Variants in CNGA2 observed in about 807,000 individuals in gnomAD.
CNGA2 encodes the protein cyclic nucleotide gated channel subunit alpha 2, also known as cyclic nucleotide-gated channel alpha-2.
Under a neutral mutation model 35.9 loss-of-function variants are expected in CNGA2, and 22 were observed. The observed-to-expected ratio is 0.61, with a 90% CI of 0.44 to 0.88. CNGA2 has a LOEUF of 0.88. CNGA2 is among the 40% of genes least tolerant of loss of function. The probability of loss-of-function intolerance (pLI) is 0.00; values close to 1 mark genes in which losing one functional copy is unlikely to be tolerated. For synonymous variants in CNGA2, 217 were observed against 209.2 expected (o/e 1.04, Z -0.32); for missense variants, 555 against 530.8 (o/e 1.05, Z -0.45).
At position 151,739,750 on chromosome X, in the gene CNGA2, A is replaced by G; in HGVS notation, c.374+18A>G. On this transcript the variant is annotated intron_variant, in intron 4 of 6. Coordinates refer to ENST00000329903, the MANE Select transcript of CNGA2 (RefSeq NM_005140.3). The stretch of plus-strand genomic sequence containing the variant: ...GGCACCAAGTACAGCTGTTCAGCCT[A>G]TGGGACTCAAATGGGCTTTAAGCAT... 2.5e-6 allele frequency: 3 copies of G among 1,205,985 alleles called. No individual in the cohort carries two copies. Among genetic ancestry groups the G allele is most frequent in the Non-Finnish European group, 3.4e-6 (3 of 891,716 alleles).
rs752041390 is a variant in CNGA2, at chrX:151,739,654, G to T, written c.296G>T (p.Arg99Leu). The change falls in exon 4 of 7, where the codon CGT (arginine) becomes CTT (leucine). Residue 99 changes from arginine (R) to leucine (L), a missense_variant. Transcript: ENST00000329903. ...CCTGACTCATTCCTCGAGCGTTTTCGTGGGCCTGAACTCCAGACTGTGACC... is the reference window on the plus strand; with the variant it reads ...CCTGACTCATTCCTCGAGCGTTTTCTTGGGCCTGAACTCCAGACTGTGACC... ...PRPDSFLERF[R>L]GPELQTVTTQ... is the part of the protein sequence containing the mutation. 8.3e-6 allele frequency: 10 copies of T among 1,211,700 alleles called. No individual in the cohort carries two copies. The highest frequency in any genetic ancestry group is 4.6e-4 in the Middle Eastern group (2 of 4,355).
At chrX:151,737,479 C>A (rs769610584) in intron 1 of CNGA2, among the ~76,000 whole-genome samples, 67 of 111,964 alleles carry the variant, frequency 6.0e-4, no homozygotes, top group African/African-American at 2.0e-3. Context: ...CCCACTCTCT[C>A]CATTGCTCCC....
At chrX:151,738,344 T>C (rs2015268206) in intron 1 of CNGA2, 114 bp from the exon 2 acceptor site, 1 of 504,082 alleles carries the variant, frequency 2.0e-6, no homozygotes, top group African/African-American at 2.4e-5. Context: ...CTGAGGGTGC[T>C]GAGGTTGGCC....
intron 4 of CNGA2, 130 bp downstream of exon 4, chrX:151,739,862 T>A (rs1199509201): frequency 9.8e-6 from 7 of 715,306 alleles, no homozygotes; most frequent in Non-Finnish European, 1.4e-5. Context: ...TGGGCAAGGG[T>A]GATTTGCAAT....
chrX:151,742,957 T>TATATACATAC, intron 6 of CNGA2, 136 bp from the exon 7 acceptor site: 1 of 76,729 alleles, frequency 1.3e-5, no homozygotes, highest in African/African-American at 6.8e-5. Flanking sequence ...TGTATATATA[T>TATATACATAC]ATGTATATAT....
rs373098882 is a variant in CNGA2, at chrX:151,735,763, C to T, written c.-27+820C>T. ...AGAGAACCTTTGTCAGCCCCCTATC[C>T]TCCTCCAGTTCCCACTCTATCTTTC... On this transcript the variant is annotated intron_variant, in intron 1 of 6. Coordinates refer to ENST00000329903, the MANE Select transcript of CNGA2 (RefSeq NM_005140.3). 2.6e-4 allele frequency among the ~76,000 whole-genome samples: 29 copies of T among 111,612 alleles called. 1 individual carries two copies. The highest frequency in any genetic ancestry group is 8.5e-4 in the East Asian group (3 of 3,530).
chrX:151,743,333 A>G lies in CNGA2; in HGVS notation c.830A>G (p.Asn277Ser). ...TNYPNIFRIS[N>S]LVLYILVIIH... ...TACCCTAACATCTTCCGCATCAGCA[A>G]CCTTGTCCTCTACATCTTGGTCATC... The change falls in exon 7 of 7, where the codon AAC (asparagine) becomes AGC (serine). Residue 277 changes from asparagine to serine, a missense_variant. Physicochemically the swap from Asn to Ser is conservative, Grantham distance 46. Coordinates refer to ENST00000329903, the MANE Select transcript of CNGA2 (RefSeq NM_005140.3). 8.3e-7 allele frequency: 1 copy of G among 1,209,186 alleles called. No individual in the cohort carries two copies. The highest frequency in any genetic ancestry group is 1.1e-6 in the Non-Finnish European group (1 of 895,050).
chrX:151,736,850 G>A (rs1422803476), intron 1 of CNGA2, among the ~76,000 whole-genome samples: 1 of 111,717 alleles, frequency 9.0e-6, no homozygotes, highest in African/African-American at 3.3e-5. Context: ...TGATCTGCCA[G>A]CTTCATCTTC....
chrX:151,743,898 G>A lies in CNGA2; in HGVS notation c.1395G>A (p.Glu465=). The A allele has an allele frequency of 1.7e-6, 2 of 1,211,471 alleles. No homozygotes were observed. The highest frequency in any genetic ancestry group is 4.4e-5 in the Admixed American group (2 of 45,968). The change falls in exon 7 of 7, where the codon GAG becomes GAA. Residue 465 remains glutamate, a synonymous_variant. Coordinates refer to ENST00000329903, the MANE Select transcript of CNGA2 (RefSeq NM_005140.3). The part of the protein sequence containing the change: ...FHDCEAGLLV[E]LVLKLRPQVF... The stretch of plus-strand genomic sequence containing the variant: ...ATTGTGAGGCTGGCCTGCTGGTAGA[G>A]CTGGTACTGAAACTCCGTCCTCAGG...
chrX:151,742,515 C>G (rs779066065), intron 5 of CNGA2, 21 bp from the exon 6 acceptor site: 3 of 1,176,565 alleles, frequency 2.5e-6, no homozygotes, highest in Non-Finnish European at 2.3e-6. Flanking sequence ...GGGGGTGAAG[C>G]TTAGCCCTGT....
At position 151,744,235 on chromosome X, in the gene CNGA2, C is replaced by T; in HGVS notation, c.1732C>T (p.Leu578Phe). The change falls in exon 7 of 7, where the codon CTC becomes TTC. Residue 578 changes from leucine (L) to phenylalanine (F), a missense_variant. By Grantham distance (22) the Leu-to-Phe change is conservative (BLOSUM62 0). Transcript: ENST00000329903. Reference sequence around the variant, plus strand: ...CCTAGAAGAGAGGGGTCGGGAGATCCTCATGAAGGAGGGACTGCTGGATGA... The same window carrying T: ...CCTAGAAGAGAGGGGTCGGGAGATCTTCATGAAGGAGGGACTGCTGGATGA... The part of the protein sequence containing the change: ...KVLEERGREI[L>F]MKEGLLDENE... The T allele has an allele frequency of 8.3e-7, 1 of 1,210,638 alleles. No homozygotes were observed. The highest frequency in any genetic ancestry group is 1.1e-6 in the Non-Finnish European group (1 of 895,311).
chrX:151,744,163 G>T lies in CNGA2; in HGVS notation c.1660G>T (p.Asp554Tyr). The change falls in exon 7 of 7, where the codon GAT becomes TAT. Residue 554 changes from aspartate to tyrosine, a missense_variant. Coordinates refer to ENST00000329903, the MANE Select transcript of CNGA2 (RefSeq NM_005140.3). ...GYSDLFCLSK[D>Y]DLMEAVTEYP... ...CTCAGATCTCTTCTGCTTGTCCAAG[G>T]ATGATCTTATGGAAGCTGTGACTGA... The T allele has an allele frequency of 1.7e-6, 2 of 1,210,731 alleles. No individual in the cohort carries two copies.
intron 1 of CNGA2, among the ~76,000 whole-genome samples, chrX:151,737,696 C>A (rs1156925548): frequency 9.0e-6 from 1 of 111,727 alleles, no homozygotes. Flanking sequence ...CTGCTCTGCG[C>A]AGAGGAGAGG....
At chrX:151,738,732 G>A in intron 2 of CNGA2, 55 bp from the exon 3 acceptor site, 1 of 1,105,180 alleles carries the variant, frequency 9.0e-7, no homozygotes, top group Middle Eastern at 2.4e-4. Context: ...GACCCAGGAG[G>A]GGAGACAAGT....
At chrX:151,740,561 T>C (rs762870398) in intron 4 of CNGA2, among the ~76,000 whole-genome samples, 1 of 112,463 alleles carries the variant, frequency 8.9e-6, no homozygotes, top group South Asian at 3.8e-4. Flanking sequence ...AATGGACCTA[T>C]CTAGGTTCAG....
intron 1 of CNGA2, among the ~76,000 whole-genome samples, chrX:151,738,256 T>C (rs1427531301): frequency 4.5e-5 from 5 of 111,182 alleles, no homozygotes; most frequent in Non-Finnish European, 9.4e-5. Flanking sequence ...GTTGGGGGAG[T>C]ACCCTCATTT....
intron 1 of CNGA2, among the ~76,000 whole-genome samples, chrX:151,737,997 G>A (rs1388411186): frequency 1.9e-5 from 2 of 105,490 alleles, no homozygotes; most frequent in African/African-American, 6.9e-5. Flanking sequence ...GCTACTCTGG[G>A]TCAGGGAGAT....
intron 5 of CNGA2, among the ~76,000 whole-genome samples, chrX:151,742,108 G>A (rs1253452136): frequency 4.4e-5 from 5 of 112,629 alleles, no homozygotes; most frequent in Admixed American, 9.4e-5. Context: ...ATTGGGTGCT[G>A]AATAAGATGT....
At position 151,742,562 on chromosome X, in the gene CNGA2, G is replaced by A. The variant is rs1316659525; in HGVS notation, c.509G>A (p.Gly170Asp). 8.3e-7 allele frequency: 1 copy of A among 1,207,506 alleles called. No homozygotes were observed. Among genetic ancestry groups the A allele is most frequent in the Non-Finnish European group, 1.1e-6 (1 of 894,110 alleles). Residue 170 changes from glycine to aspartate, a missense_variant, in exon 6 of 7, where the codon GGC becomes GAC. By Grantham distance (94) the Gly-to-Asp change is moderately conservative (BLOSUM62 -1). Coordinates refer to ENST00000329903, the MANE Select transcript of CNGA2 (RefSeq NM_005140.3). ...ARACFSDLQK[G>D]YYLVWLVLDY... ...GCCTGCTTCAGTGACCTACAGAAAG[G>A]CTACTACCTGGTGTGGCTGGTGCTG...
Sources: allele counts gnomAD v4.1 joint callset (sites outside exome capture counted in the v4.1 genomes callset), GRCh38; gene constraint gnomAD v4.1.1; transcripts MANE v1.5; gene names NCBI Gene and HGNC (gene_info 2026-07-23, HGNC 2026-07-21).